ROBO2: variants seen among roughly 807,000 people sequenced by gnomAD.
The protein encoded by ROBO2 is roundabout guidance receptor 2.
ROBO2 carries 53 observed loss-of-function variants against 160.8 expected under a neutral mutation model. The ratio of observed to expected loss-of-function variants is 0.33; its 90% CI spans 0.26 to 0.41. The LOEUF is 0.41. ROBO2 is among the 10% of genes least tolerant of loss of function. The pLI is 1.00. For synonymous variants in ROBO2, 664 were observed against 611.7 expected, an observed-to-expected ratio of 1.09 and a Z score of -1.26; for missense variants, 1,577 against 1,722.4, an observed-to-expected ratio of 0.92 and a Z score of 1.49.
At chr3:76,067,592 A>C (rs999817695) in intron 2 of ROBO2, among the ~76,000 whole-genome samples, 17 of 152,166 alleles carry the variant, frequency 1.1e-4, no homozygotes, top group African/African-American at 4.1e-4. Flanking sequence ...TATTATTCTT[A>C]TCCTGTAGCA....
chr3:76,097,019 A>G (rs1201060968), intron 2 of ROBO2, among the ~76,000 whole-genome samples: 1 of 152,226 alleles, frequency 6.6e-6, no homozygotes, highest in Non-Finnish European at 1.5e-5. Flanking sequence ...CCTGGTAAAC[A>G]TAGATTGTCT....
At chr3:76,376,003 T>G (rs1440174852) in intron 2 of ROBO2, among the ~76,000 whole-genome samples, 1 of 152,124 alleles carries the variant, frequency 6.6e-6, no homozygotes, top group African/African-American at 2.4e-5. Flanking sequence ...TTGCACTGTT[T>G]CGTAATATCT....
intron 2 of ROBO2, among the ~76,000 whole-genome samples, chr3:76,857,429 A>G (rs974417639): frequency 1.3e-5 from 2 of 152,184 alleles, no homozygotes; most frequent in Admixed American, 6.5e-5. Context: ...AGATTAGAAG[A>G]CAAAATCGTG....
intron 2 of ROBO2, among the ~76,000 whole-genome samples, chr3:76,799,328 A>T (rs976635076): frequency 6.6e-6 from 1 of 152,196 alleles, no homozygotes; most frequent in Non-Finnish European, 1.5e-5. Flanking sequence ...CAAGGCAAGG[A>T]TGCCTACTCT....
chr3:76,217,913 A>G (rs75981488), intron 2 of ROBO2, among the ~76,000 whole-genome samples: 48,317 of 152,058 alleles, frequency 0.32, 9,034 homozygotes, highest in Non-Finnish European at 0.41. Context: ...AAAATCCTCA[A>G]TAAAATTCTG....
chr3:77,289,147 G>A (rs1299249721), intron 2 of ROBO2, among the ~76,000 whole-genome samples: 1 of 152,106 alleles, frequency 6.6e-6, no homozygotes, highest in Non-Finnish European at 1.5e-5. Flanking sequence ...TTTATTTATA[G>A]GCTCTACAAA....
At chr3:76,524,649 T>C (rs57221325) in intron 2 of ROBO2, among the ~76,000 whole-genome samples, 26 of 151,378 alleles carry the variant, frequency 1.7e-4, no homozygotes, top group African/African-American at 5.8e-4. Context: ...CTTATACTAC[T>C]GTGTTTAGTT....
intron 2 of ROBO2, among the ~76,000 whole-genome samples, chr3:77,252,697 A>C (rs1259878494): frequency 6.8e-6 from 1 of 146,904 alleles, no homozygotes; most frequent in Non-Finnish European, 1.5e-5. Context: ...AGTCCCAGCT[A>C]CTCCGGAGGC....
chr3:76,289,657 T>G (rs1260788890), intron 2 of ROBO2, among the ~76,000 whole-genome samples: 1 of 152,194 alleles, frequency 6.6e-6, no homozygotes, highest in East Asian at 1.9e-4. Flanking sequence ...CATCTTGAGT[T>G]GATTTTTGTA....
chr3:77,229,130 T>C (rs1009475618), intron 2 of ROBO2, among the ~76,000 whole-genome samples: 3 of 152,186 alleles, frequency 2.0e-5, no homozygotes, highest in Non-Finnish European at 2.9e-5. Context: ...AAATGACAGC[T>C]ACTGATATGG....
At chr3:76,417,372 T>G (rs933920262) in intron 2 of ROBO2, among the ~76,000 whole-genome samples, 13 of 152,218 alleles carry the variant, frequency 8.5e-5, no homozygotes, top group African/African-American at 3.1e-4. Context: ...TTATCATTCT[T>G]TTACTGCCTA....
chr3:76,177,953 T>C (rs2073288724), intron 2 of ROBO2, among the ~76,000 whole-genome samples: 1 of 152,168 alleles, frequency 6.6e-6, no homozygotes, highest in African/African-American at 2.4e-5. Flanking sequence ...TCTACTTTGT[T>C]GTGCTACGTC....
At chr3:76,563,064 A>G (rs932570722) in intron 2 of ROBO2, among the ~76,000 whole-genome samples, 2 of 151,896 alleles carry the variant, frequency 1.3e-5, no homozygotes, top group African/African-American at 4.8e-5. Context: ...AAAAGTTGGC[A>G]TGATCTCTGA....
chr3:76,084,027 T>G (rs191996126), intron 2 of ROBO2, among the ~76,000 whole-genome samples: 1 of 152,160 alleles, frequency 6.6e-6, no homozygotes, highest in East Asian at 1.9e-4. Context: ...GATATTGTGT[T>G]GGGGAAAAAA....
chr3:76,624,411 T>A (rs2089460902), intron 2 of ROBO2, among the ~76,000 whole-genome samples: 1 of 152,092 alleles, frequency 6.6e-6, no homozygotes, highest in South Asian at 2.1e-4. Flanking sequence ...AGAGCCAGGC[T>A]TTCTCTTTTA....
At chr3:75,910,345 C>T (rs1368454826) in intron 1 of ROBO2, among the ~76,000 whole-genome samples, 1 of 152,184 alleles carries the variant, frequency 6.6e-6, no homozygotes, top group Non-Finnish European at 1.5e-5. Context: ...TTTTTTCATT[C>T]ACATATGTCA....
rs1193512243 is a variant in ROBO2, at chr3:76,043,554, T to G, written c.109+105952T>G. On this transcript the variant is annotated intron_variant, in intron 2 of 26. Coordinates refer to the ROBO2 transcript ENST00000487694. ...TAACATTGACTCCAGCTCACTTGGA[T>G]TTTTCAGTCTTTGATGATGGAAGCC... Among the ~76,000 whole-genome samples the G allele has an allele frequency of 2.7e-5, 4 of 149,290 alleles. No individual in the cohort carries two copies. The Admixed American group carries it at 2.7e-4, about 10-fold the overall frequency.
intron 2 of ROBO2, among the ~76,000 whole-genome samples, chr3:77,224,275 C>T (rs913506413): frequency 2.6e-5 from 4 of 151,888 alleles, no homozygotes; most frequent in East Asian, 1.9e-4. Context: ...TTGTCCCAAT[C>T]GAAAGGCATT....
intron 5 of ROBO2, among the ~76,000 whole-genome samples, chr3:77,521,902 G>A (rs1430510546): frequency 1.3e-5 from 2 of 151,182 alleles, no homozygotes; most frequent in Non-Finnish European, 3.0e-5. Context: ...TGGAAACATG[G>A]ATCTAACTGT....
Sources: gnomAD v4.1 joint callset for allele counts (sites outside exome capture counted in the v4.1 genomes callset) on GRCh38, gnomAD v4.1.1 for gene constraint, MANE v1.5 for transcripts, NCBI Gene and HGNC (gene_info 2026-07-23, HGNC 2026-07-21) for gene names.